ATP6V0E1: variants seen among roughly 807,000 people sequenced by gnomAD.
ATP6V0E1 encodes ATPase H+ transporting V0 subunit e1.
Under a neutral mutation model 11.6 loss-of-function variants are expected in ATP6V0E1, and 4 were observed. The ratio of observed to expected loss-of-function variants is 0.35; its 90% confidence interval spans 0.17 to 0.79. ATP6V0E1 has a LOEUF of 0.79. ATP6V0E1 is among the 30% of genes least tolerant of loss of function. The pLI, the probability that ATP6V0E1 is intolerant of heterozygous loss-of-function variation, is 0.54. For synonymous variants in ATP6V0E1, 36 were observed against 34.8 expected, an observed-to-expected ratio of 1.04 and a Z score of -0.13; for missense variants, 105 against 100.0, an observed-to-expected ratio of 1.05 and a Z score of -0.21.
At chr5:173,009,325 G>A (rs1756279644) in intron 2 of ATP6V0E1, among the ~76,000 whole-genome samples, 1 of 152,088 alleles carries the variant, frequency 6.6e-6, no homozygotes, top group Admixed American at 6.6e-5. Context: ...CTACTCAGGA[G>A]ACTGAGATGG....
intron 2 of ATP6V0E1, among the ~76,000 whole-genome samples, chr5:172,997,961 T>G (rs571333475): frequency 2.0e-5 from 3 of 151,932 alleles, no homozygotes; most frequent in East Asian, 1.9e-4. Context: ...TACAAAAAAT[T>G]ATCCGATTGT....
intron 1 of ATP6V0E1, among the ~76,000 whole-genome samples, chr5:172,990,818 C>A (rs1272913715): frequency 6.7e-6 from 1 of 149,810 alleles, no homozygotes. Flanking sequence ...CAGAGCGATA[C>A]TCTGTCTCAA....
chr5:173,005,641 C>A (rs1404469688), intron 2 of ATP6V0E1, among the ~76,000 whole-genome samples: 1 of 152,044 alleles, frequency 6.6e-6, no homozygotes, highest in Non-Finnish European at 1.5e-5. Context: ...TGGTTACTTT[C>A]CTGTATCTTT....
chr5:173,025,055 C>T (rs1756535479), intron 3 of ATP6V0E1, among the ~76,000 whole-genome samples: 1 of 150,678 alleles, frequency 6.6e-6, no homozygotes, highest in Non-Finnish European at 1.5e-5. Context: ...GTTGGTCAGG[C>T]TGGTCTCGAA....
At chr5:172,994,244 T>G (rs933133021) in intron 1 of ATP6V0E1, among the ~76,000 whole-genome samples, 1 of 152,116 alleles carries the variant, frequency 6.6e-6, no homozygotes, top group Admixed American at 6.6e-5. Context: ...ATGGCAGAGC[T>G]TCTTCTGAGG....
At chr5:172,984,101 C>G in intron 1 of ATP6V0E1, 137 bp downstream of exon 1, 1 of 789,226 alleles carries the variant, frequency 1.3e-6, no homozygotes, top group Non-Finnish European at 2.2e-6. Flanking sequence ...GGCCCCCGAC[C>G]CGGCGGAACT....
At chr5:173,027,646 G>T (rs1475836273) in intron 3 of ATP6V0E1, among the ~76,000 whole-genome samples, 1 of 151,912 alleles carries the variant, frequency 6.6e-6, no homozygotes, top group African/African-American at 2.4e-5. Flanking sequence ...ATAGATGGGG[G>T]TCTCACTCTG....
At chr5:172,984,056 A>G in intron 1 of ATP6V0E1, 92 bp downstream of exon 1, 1 of 1,256,084 alleles carries the variant, frequency 8.0e-7, no homozygotes, top group East Asian at 2.3e-5. Flanking sequence ...CGGGTCAGAG[A>G]ACGTTGCATG....
chr5:173,022,266 G>C (rs574596242), intron 3 of ATP6V0E1, among the ~76,000 whole-genome samples: 1 of 152,200 alleles, frequency 6.6e-6, no homozygotes, highest in South Asian at 2.1e-4. Flanking sequence ...ACTGTGTATT[G>C]CCTCCCATCT....
intron 1 of ATP6V0E1, chr5:172,986,759 AG>A: frequency 2.3e-6 from 1 of 443,906 alleles, no homozygotes; most frequent in South Asian, 1.6e-5. Flanking sequence ...GGGGAAGATA[AG>A]GTTGGTTTTT....
chr5:172,991,752 T>C (rs186888824), intron 1 of ATP6V0E1, among the ~76,000 whole-genome samples: 1 of 152,328 alleles, frequency 6.6e-6, no homozygotes, highest in African/African-American at 2.4e-5. Flanking sequence ...ATGTATAAAT[T>C]ATGTATTTCA....
At chr5:172,990,659 TCTA>T (rs1336007394) in intron 1 of ATP6V0E1, among the ~76,000 whole-genome samples, 1 of 151,466 alleles carries the variant, frequency 6.6e-6, no homozygotes, top group Non-Finnish European at 1.5e-5. Context: ...AAACCTCATC[TCTA>T]CTAAAAATAC....
chr5:173,032,869 A>G (rs1005846588), intron 3 of ATP6V0E1, among the ~76,000 whole-genome samples: 68 of 152,218 alleles, frequency 4.5e-4, no homozygotes, highest in African/African-American at 1.5e-3. Flanking sequence ...AGCCAAGGCA[A>G]GAGGAAACCT....
intron 2 of ATP6V0E1, among the ~76,000 whole-genome samples, chr5:173,018,362 G>A (rs756282775): frequency 6.6e-6 from 1 of 152,138 alleles, no homozygotes; most frequent in Non-Finnish European, 1.5e-5. Flanking sequence ...GGCTGAGGAG[G>A]AGGAAGAAGA....
At chr5:173,024,020 C>A (rs1756520247) in intron 3 of ATP6V0E1, among the ~76,000 whole-genome samples, 1 of 151,228 alleles carries the variant, frequency 6.6e-6, no homozygotes, top group Non-Finnish European at 1.5e-5. Context: ...CACGGTGAAA[C>A]CCCTTCTCTG....
intron 3 of ATP6V0E1, among the ~76,000 whole-genome samples, chr5:173,029,117 T>G (rs753434701): frequency 6.6e-6 from 1 of 152,218 alleles, no homozygotes; most frequent in Non-Finnish European, 1.5e-5. Context: ...TGTTTTTCTA[T>G]GCATTCCTAA....
intron 1 of ATP6V0E1, among the ~76,000 whole-genome samples, chr5:172,984,760 A>AT (rs1012396211): frequency 6.6e-6 from 1 of 151,932 alleles, no homozygotes; most frequent in African/African-American, 2.4e-5. Flanking sequence ...CTTCTCAGTC[A>AT]TTTTTTTCTC....
intron 2 of ATP6V0E1, among the ~76,000 whole-genome samples, chr5:173,003,235 G>A (rs1756185563): frequency 6.6e-6 from 1 of 152,032 alleles, no homozygotes; most frequent in Non-Finnish European, 1.5e-5. Context: ...AGGTATTTGT[G>A]GCAACAAGTG....
chr5:173,018,667 T>G (rs1307575417), intron 2 of ATP6V0E1, among the ~76,000 whole-genome samples: 2 of 151,074 alleles, frequency 1.3e-5, no homozygotes, highest in Non-Finnish European at 2.9e-5. Context: ...ATAACAGTTA[T>G]CACCTGACAT....
Sources: allele counts gnomAD v4.1 joint callset (sites outside exome capture counted in the v4.1 genomes callset), GRCh38; gene constraint gnomAD v4.1.1; transcripts MANE v1.5; gene names NCBI Gene and HGNC (gene_info 2026-07-23, HGNC 2026-07-21).